ZNF285: variants seen among roughly 807,000 people sequenced by gnomAD.
The protein encoded by ZNF285 is zinc finger protein 285A.
In ZNF285, 4 loss-of-function variants were observed where a neutral mutation model predicts 6.2. The ratio of observed to expected loss-of-function variants is 0.65; its 90% CI spans 0.32 to 1.49. ZNF285 has a LOEUF of 1.49. Among genes scored for constraint, ZNF285 ranks in the 40% most tolerant of loss-of-function variants. ZNF285 has a pLI of 0.07. For missense variants in ZNF285, 695 were observed against 708.8 expected (o/e 0.98, Z 0.22); for synonymous variants, 240 against 245.8 (o/e 0.98, Z 0.22).
chr19:44,392,435 A>G lies in ZNF285; in HGVS notation c.47T>C (p.Val16Ala), dbSNP rs1568387495. 6.2e-7 allele frequency: 1 copy of G among 1,613,748 alleles called. No individual in the cohort carries two copies. The highest frequency in any genetic ancestry group is 1.7e-5 in the Admixed American group (1 of 59,984). ...TAGTGCCAGCTCTTCCTTGGTGAAG[A>G]CAACAGCCACATCCTTGAATGTCAC... ...ERVTFKDVAVVFTKEELALLD... is the reference protein window; with the variant it reads ...ERVTFKDVAVAFTKEELALLD... Residue 16 changes from valine to alanine, a missense_variant, in exon 3 of 4, where the codon GTC (valine) becomes GCC (alanine). By Grantham distance (64) the Val-to-Ala change is moderately conservative (BLOSUM62 0). Coordinates refer to ENST00000614994, the MANE Select transcript of ZNF285 (RefSeq NM_152354.6).
chr19:44,386,868 A>G lies in ZNF285; in HGVS notation c.1377T>C (p.Asn459=). 6.2e-7 allele frequency: 1 copy of G among 1,614,144 alleles called. No homozygotes were observed. ...TATACGCAAAATCCTTTCCACACAC[A>G]TTGCATTTGTATGGTTTCTCCCCTG... ...VHTGEKPYKC[N]VCGKDFAYSS... The change falls in exon 4 of 4, where the codon AAT becomes AAC. Residue 459 remains asparagine, a synonymous_variant. Transcript: ENST00000614994.
At position 44,387,144 on chromosome 19, in the gene ZNF285, T is replaced by C. The variant is rs1599954430; in HGVS notation, c.1101A>G (p.Thr367=). 4 of 1,613,930 alleles carry C rather than the reference T, an allele frequency of 2.5e-6. No homozygotes were observed. The South Asian group carries it at 4.4e-5, about 18-fold the overall frequency. ...SLLCIHQGVH[T]GKKPYKCEEC... is the part of the protein sequence containing the mutation. ...CTTCACATTTATAGGGCTTTTTCCCTGTGTGTACTCCCTGATGAATACAAA... is the reference window on the plus strand; with the variant it reads ...CTTCACATTTATAGGGCTTTTTCCCCGTGTGTACTCCCTGATGAATACAAA... Residue 367 remains threonine (T), a synonymous_variant, in exon 4 of 4, where the codon ACA becomes ACG. Transcript: ENST00000614994.
At chr19:44,390,429 C>T (rs1971173996) in intron 3 of ZNF285, among the ~76,000 whole-genome samples, 1 of 152,062 alleles carries the variant, frequency 6.6e-6, no homozygotes, top group Non-Finnish European at 1.5e-5. Context: ...GCCTGTAGCC[C>T]CTTTGTTTCG....
At chr19:44,394,773 T>G (rs1016590759) in intron 2 of ZNF285, among the ~76,000 whole-genome samples, 1 of 152,186 alleles carries the variant, frequency 6.6e-6, no homozygotes, top group Admixed American at 6.5e-5. Context: ...AACATGTTAC[T>G]AACAATTGTC....
In ZNF285 at chr19:44,401,592, C is replaced by T. The variant is rs1408482948; in HGVS notation, c.-68G>A. On this transcript the variant is annotated 5_prime_UTR_variant, in exon 1 of 4. Coordinates refer to ENST00000614994, the MANE Select transcript of ZNF285 (RefSeq NM_152354.6). Reference sequence around the variant, plus strand: ...CCCCAGCGTCCCAAACAATGTCGCCCGCAGCGTGCGTCCAGTACCATGGCG... The same window carrying T: ...CCCCAGCGTCCCAAACAATGTCGCCTGCAGCGTGCGTCCAGTACCATGGCG... 6.6e-6 allele frequency: 1 copy of T among 152,262 alleles called. No homozygotes were observed. The highest frequency in any genetic ancestry group is 1.5e-5 in the Non-Finnish European group (1 of 68,086). 9.4% of individuals were successfully genotyped at this position (152,262 alleles called of 1,614,324 possible). A position where few individuals can be genotyped will look rare whatever the true frequency, so the allele number is the denominator to read the frequency against.
At chr19:44,391,468 T>C (rs1002943879) in intron 3 of ZNF285, among the ~76,000 whole-genome samples, 1 of 152,076 alleles carries the variant, frequency 6.6e-6, no homozygotes, top group Non-Finnish European at 1.5e-5. Context: ...TGACTCATAG[T>C]TCCATGTGGC....
rs1021411507 is a variant in ZNF285, at chr19:44,382,597, T to C, written c.*3875A>G. The C allele has an allele frequency of 3.3e-5, 5 of 151,732 alleles. No individual in the cohort carries two copies. Among genetic ancestry groups the C allele is most frequent in the African/African-American group, 1.2e-4 (5 of 41,074 alleles). The allele number at this position is 151,732 out of a possible 1,614,324, so 9.4% of individuals were successfully genotyped here. ...AGGACTAAGTTTTATAGGGAAAACA[T>C]GTAAGCTAAGGGTCTGGAAGAGAAG... is the stretch of plus-strand genomic sequence containing the variant. On this transcript the variant is annotated 3_prime_UTR_variant, in exon 4 of 4. Coordinates refer to ENST00000614994, the MANE Select transcript of ZNF285 (RefSeq NM_152354.6).
intron 2 of ZNF285, among the ~76,000 whole-genome samples, chr19:44,395,636 CAG>C (rs1201815671): frequency 1.3e-5 from 2 of 152,036 alleles, no homozygotes; most frequent in African/African-American, 2.4e-5. Flanking sequence ...CTGAAATACA[CAG>C]AGAGTGTGGT....
chr19:44,388,207 TTG>T, intron 3 of ZNF285, 105 bp from the exon 4 acceptor site: 1 of 1,049,152 alleles, frequency 9.5e-7, no homozygotes, highest in Non-Finnish European at 1.4e-6. Flanking sequence ...CTGGGTTCTA[TTG>T]ACGTATGAAA....
rs910030953 is a variant in ZNF285 at position 44,387,572 on chromosome 19, C to A, written c.673G>T (p.Ala225Ser). 1.2e-6 allele frequency: 2 copies of A among 1,613,784 alleles called. No individual in the cohort carries two copies. The highest frequency in any genetic ancestry group is 2.7e-5 in the African/African-American group (2 of 74,906). ...GGGAAAGGCTGTGGTAATACATGGG[C>A]CGCATTACGTTTTTCAACCGTTGAT... ...MKSTVEKRNA[A>S]HVLPQPFPCN... Residue 225 changes from alanine (A) to serine (S), a missense_variant, in exon 4 of 4, where the codon GCC becomes TCC. Coordinates refer to ENST00000614994, the MANE Select transcript of ZNF285 (RefSeq NM_152354.6).
chr19:44,392,682 T>G, intron 2 of ZNF285: 3 of 860,682 alleles, frequency 3.5e-6, no homozygotes, highest in Non-Finnish European at 5.6e-6. Context: ...CTGCTCTCAC[T>G]GTGTCCTTAC....
At chr19:44,396,558 T>A (rs1971282869) in intron 2 of ZNF285, 1 of 152,372 alleles carries the variant, frequency 6.6e-6, no homozygotes, top group African/African-American at 2.4e-5. Context: ...CTGAAAGGTC[T>A]TATGAGCAGA....
At chr19:44,394,505 AC>A (rs1971248580) in intron 2 of ZNF285, 5 of 529,182 alleles carry the variant, frequency 9.4e-6, no homozygotes, top group Non-Finnish European at 1.7e-5. Flanking sequence ...CACATAATTT[AC>A]CCACGTAACA....
In ZNF285 at chr19:44,382,956, C is replaced by G. The variant is rs1445335759; in HGVS notation, c.*3516G>C. Reference sequence around the variant, plus strand: ...GGGAGTCTGAGGCCCCAGATAGCTCCTCACCTAGGCATCCCAAAGGGAACT... The same window carrying G: ...GGGAGTCTGAGGCCCCAGATAGCTCGTCACCTAGGCATCCCAAAGGGAACT... On this transcript the variant is annotated 3_prime_UTR_variant, in exon 4 of 4. Coordinates refer to ENST00000614994, the MANE Select transcript of ZNF285 (RefSeq NM_152354.6). 6.6e-6 allele frequency: 1 copy of G among 152,150 alleles called. No individual in the cohort carries two copies. Among genetic ancestry groups the G allele is most frequent in the Non-Finnish European group, 1.5e-5 (1 of 68,042 alleles). The allele number at this position is 152,150 out of a possible 1,614,324, so 9.4% of individuals were successfully genotyped here. A position where few individuals can be genotyped will look rare whatever the true frequency, so the allele number is the denominator to read the frequency against.
intron 1 of ZNF285, among the ~76,000 whole-genome samples, chr19:44,398,622 C>G (rs1448809622): frequency 6.6e-6 from 1 of 152,096 alleles, no homozygotes; most frequent in Non-Finnish European, 1.5e-5. Flanking sequence ...ATTGCAGTAT[C>G]CTTTGTTGAT....
chr19:44,386,071 T>C lies in ZNF285; in HGVS notation c.*401A>G, dbSNP rs1366982455. 5.8e-6 allele frequency: 1 copy of C among 173,316 alleles called. No homozygotes were observed. The highest frequency in any genetic ancestry group is 1.3e-5 in the Non-Finnish European group (1 of 78,900). The allele number at this position is 173,316 out of a possible 1,614,324, so 10.7% of individuals were successfully genotyped here. ...TTTCATTTTTGAGCACACTTTTGAATGTTCTTCATACAGAGAGTATTTTTC... is the reference window on the plus strand; with the variant it reads ...TTTCATTTTTGAGCACACTTTTGAACGTTCTTCATACAGAGAGTATTTTTC... On this transcript the variant is annotated 3_prime_UTR_variant, in exon 4 of 4. Coordinates refer to ENST00000614994, the MANE Select transcript of ZNF285 (RefSeq NM_152354.6).
chr19:44,396,328 T>C (rs1270802653), intron 2 of ZNF285, among the ~76,000 whole-genome samples: 1 of 152,048 alleles, frequency 6.6e-6, no homozygotes, highest in African/African-American at 2.4e-5. Flanking sequence ...TTGTGTATTT[T>C]CATAATTAAT....
rs1971068920 is a variant in ZNF285 at position 44,386,347 on chromosome 19, TGAC to T, written c.*122_*124del. 1 of 1,048,850 alleles carries T rather than the reference TGAC, an allele frequency of 9.5e-7. No individual in the cohort carries two copies. Among genetic ancestry groups the T allele is most frequent in the Non-Finnish European group, 1.3e-6 (1 of 740,804 alleles). 65.0% of individuals were successfully genotyped at this position (1,048,850 alleles called of 1,614,324 possible). A position where few individuals can be genotyped will look rare whatever the true frequency, so the allele number is the denominator to read the frequency against. The stretch of plus-strand genomic sequence containing the variant: ...CCTGGCACACTTCAGTGCTGCAGGC[TGAC>T]ATTATCGATGGCAGTGTCCCTGTCT... On this transcript the variant is annotated 3_prime_UTR_variant, in exon 4 of 4. Transcript: ENST00000614994.
chr19:44,382,767 C>T lies in ZNF285; in HGVS notation c.*3705G>A, dbSNP rs563860263. The stretch of plus-strand genomic sequence containing the variant: ...CCATGTTGGTGAGGGAACAAATTGA[C>T]TATGCAGGTAATCTGGACTACTTAA... On this transcript the variant is annotated 3_prime_UTR_variant, in exon 4 of 4. Transcript: ENST00000614994. 1 of 152,286 alleles carries T rather than the reference C, an allele frequency of 6.6e-6. No homozygotes were observed. The highest frequency in any genetic ancestry group is 1.9e-4 in the East Asian group (1 of 5,186). The allele number at this position is 152,286 out of a possible 1,614,324, so 9.4% of individuals were successfully genotyped here.
Sources: gnomAD v4.1 joint callset for allele counts (sites outside exome capture counted in the v4.1 genomes callset) on GRCh38, gnomAD v4.1.1 for gene constraint, MANE v1.5 for transcripts, NCBI Gene and HGNC (gene_info 2026-07-23, HGNC 2026-07-21) for gene names.